The following NUDC variants were observed in gnomAD, a reference collection of about 807,000 sequenced individuals.
The protein encoded by NUDC is nuclear distribution C, dynein complex regulator.
In NUDC, 14 loss-of-function variants were observed where a neutral mutation model predicts 45.0. The ratio of observed to expected loss-of-function variants is 0.31; its 90% confidence interval spans 0.21 to 0.49. The LOEUF is 0.49. NUDC is among the 20% of genes least tolerant of loss of function. The pLI, the probability that NUDC is intolerant of heterozygous loss-of-function variation, is 0.99. For synonymous variants in NUDC, 153 were observed against 156.7 expected, an observed-to-expected ratio of 0.98 and a Z score of 0.17; for missense variants, 323 against 426.2, an observed-to-expected ratio of 0.76 and a Z score of 2.13.
In NUDC at chr1:26,929,722, G is replaced by A. The variant is rs777980572; in HGVS notation, c.159+5556G>A. 2.6e-5 allele frequency: 12 copies of A among 454,870 alleles called. No individual in the cohort carries two copies. The East Asian group carries it at 4.8e-4, about 18-fold the overall frequency. 28.2% of individuals were successfully genotyped at this position (454,870 alleles called of 1,614,324 possible). ...GTGACTATCTAAAAGAAAAGTTACT[G>A]TTTAAAAACATAACTGTAGGGCCGG... On this transcript the variant is annotated intron_variant, in intron 2 of 8. Transcript: ENST00000321265.
chr1:26,928,620 C>T (rs1385811148), intron 2 of NUDC, among the ~76,000 whole-genome samples: 1 of 152,088 alleles, frequency 6.6e-6, no homozygotes, highest in Non-Finnish European at 1.5e-5. Context: ...TTGCTTGAGC[C>T]TGGGAGGTTG....
chr1:26,939,243 C>A (rs1266836704), intron 2 of NUDC, among the ~76,000 whole-genome samples: 2 of 152,146 alleles, frequency 1.3e-5, no homozygotes. Context: ...ATCTGCCCGC[C>A]TCAGCCTCAA....
intron 2 of NUDC, among the ~76,000 whole-genome samples, chr1:26,925,424 C>T (rs1298632417): frequency 4.7e-5 from 7 of 148,698 alleles, no homozygotes; most frequent in African/African-American, 1.5e-4. Flanking sequence ...CCTGTAGTCC[C>T]GGCTACTCTG....
At chr1:26,917,697 G>A (rs765920625), upstream of NUDC, among the ~76,000 whole-genome samples, 1 of 152,074 alleles carries the variant, frequency 6.6e-6, no homozygotes, top group Non-Finnish European at 1.5e-5. Flanking sequence ...AGACCGGCCT[G>A]GCCAACATGG....
At chr1:26,912,122 C>A (rs1367801287) in intron 3 of NUDC, 1 of 1,611,020 alleles carries the variant, frequency 6.2e-7, no homozygotes, top group East Asian at 2.2e-5. Flanking sequence ...CTGGTGAGCA[C>A]CCTACTCCCA....
upstream of NUDC, among the ~76,000 whole-genome samples, chr1:26,917,295 T>C (rs1014955450): frequency 2.0e-5 from 3 of 149,938 alleles, no homozygotes; most frequent in Non-Finnish European, 4.4e-5. Flanking sequence ...GATGTGGGGG[T>C]TCACACCTGT....
At chr1:26,912,175 G>A (rs1238885567) in intron 3 of NUDC, 3 of 1,530,222 alleles carry the variant, frequency 2.0e-6, no homozygotes, top group Non-Finnish European at 2.7e-6. Context: ...GGCCATCAGA[G>A]ACACCCCTCT....
intron 2 of NUDC, chr1:26,902,373 C>G (rs988132077): frequency 2.6e-5 from 4 of 152,242 alleles, no homozygotes; most frequent in African/African-American, 9.7e-5. Context: ...CAAGGTAAAG[C>G]ATTATCTGAT....
intron 1 of NUDC, among the ~76,000 whole-genome samples, chr1:26,901,806 G>A (rs2081980424): frequency 6.6e-6 from 1 of 152,132 alleles, no homozygotes; most frequent in Admixed American, 6.5e-5. Context: ...GGAGGAACCT[G>A]TAGATTGAGA....
intron 2 of NUDC, among the ~76,000 whole-genome samples, chr1:26,925,914 G>T (rs919482843): frequency 6.6e-6 from 1 of 151,426 alleles, no homozygotes; most frequent in Non-Finnish European, 1.5e-5. Context: ...TAGAGATGGG[G>T]TTTCACCATG....
chr1:26,910,716 T>C (rs2082022093), intron 2 of NUDC, among the ~76,000 whole-genome samples: 1 of 152,172 alleles, frequency 6.6e-6, no homozygotes, highest in Admixed American at 6.5e-5. Context: ...TTCAGGTCAC[T>C]CACCCTGACC....
chr1:26,942,568 TGCCCAGTGCTAGCCCTGGGCTTG>T (rs2082286902), intron 4 of NUDC, 69 bp from the exon 5 acceptor site: 1 of 1,566,562 alleles, frequency 6.4e-7, no homozygotes, highest in African/African-American at 1.4e-5. Flanking sequence ...TGTGGCTGTA[TGCCCAGTGCTAGCCCTGGGCTTG>T]GCCCAGTGAG....
chr1:26,936,134 A>AACAT (rs1553163907), intron 2 of NUDC, among the ~76,000 whole-genome samples: 2 of 6,812 alleles, frequency 2.9e-4, no homozygotes, highest in Non-Finnish European at 5.6e-4. Context: ...ACGCCCGGCT[A>AACAT]ATATATATAT....
intron 2 of NUDC, among the ~76,000 whole-genome samples, chr1:26,931,604 C>A (rs1350228989): frequency 1.3e-5 from 2 of 149,448 alleles, no homozygotes; most frequent in Non-Finnish European, 3.0e-5. Context: ...CGCGGTGAAA[C>A]CCTGTCTCTA....
At chr1:26,936,158 TATATATA>T (rs1363839714) in intron 2 of NUDC, among the ~76,000 whole-genome samples, 3 of 15,904 alleles carry the variant, frequency 1.9e-4, no homozygotes, top group African/African-American at 4.9e-4. Context: ...TATATATATA[TATATATA>T]TTTTTTTTTT....
exon 1 of NUDC, chr1:26,900,301 G>A: frequency 6.2e-7 from 1 of 1,614,032 alleles, no homozygotes; most frequent in South Asian, 1.1e-5. Context: ...TGCCGGTAGT[G>A]GAAACAGAGG....
At chr1:26,914,538 A>G (rs887303057) in intron 3 of NUDC, among the ~76,000 whole-genome samples, 4 of 152,132 alleles carry the variant, frequency 2.6e-5, no homozygotes, top group African/African-American at 9.7e-5. Flanking sequence ...TGTCCAATCT[A>G]GGAGGCCTCC....
In NUDC at chr1:26,945,635, C is replaced by A. The variant is rs549480907; in HGVS notation, c.893C>A (p.Ser298Tyr). ...EKMMYDQRQK[S>Y]MGLPTSDEQK... The stretch of plus-strand genomic sequence containing the variant: ...ATGATGTATGACCAGCGACAGAAGT[C>A]CATGGGGCTGCCAACTTCAGACGAA... Residue 298 changes from serine (S) to tyrosine (Y), a missense_variant, in exon 8 of 9, where the codon TCC (serine) becomes TAC (tyrosine). Coordinates refer to ENST00000321265, the MANE Select transcript of NUDC (RefSeq NM_006600.4). 37 of 1,614,036 alleles carry A rather than the reference C, an allele frequency of 2.3e-5. No homozygotes were observed. The highest frequency in any genetic ancestry group is 3.1e-5 in the Non-Finnish European group (36 of 1,180,024).
intron 6 of NUDC, 58 bp from the exon 7 acceptor site, chr1:26,945,332 G>T (rs1016807989): frequency 1.4e-6 from 2 of 1,412,230 alleles, no homozygotes; most frequent in Non-Finnish European, 2.0e-6. Context: ...AGGGTTAAGG[G>T]GTGATTCCTG....
Sources: allele counts gnomAD v4.1 joint callset (sites outside exome capture counted in the v4.1 genomes callset), GRCh38; gene constraint gnomAD v4.1.1; transcripts MANE v1.5; gene names NCBI Gene and HGNC (gene_info 2026-07-23, HGNC 2026-07-21).